The following DNAAF11 variants were observed in gnomAD, a reference collection of about 807,000 sequenced individuals.
DNAAF11 encodes dynein axonemal assembly factor 11, also known as leucine rich repeat containing 6.
In DNAAF11, 45 loss-of-function variants were observed where a neutral mutation model predicts 60.8. That is an observed-to-expected ratio of 0.74 (90% CI 0.58 to 0.95). The LOEUF is 0.95. Ranked by LOEUF, DNAAF11 falls within the 40% of genes least tolerant of loss-of-function variation. The pLI is 0.00. For missense variants in DNAAF11, 546 were observed against 546.2 expected (o/e 1.00, Z 0.00); for synonymous variants, 191 against 183.5 (o/e 1.04, Z -0.33).
At chr8:132,648,105 C>G (rs1822592123) in intron 3 of DNAAF11, among the ~76,000 whole-genome samples, 1 of 152,108 alleles carries the variant, frequency 6.6e-6, no homozygotes, top group South Asian at 2.1e-4. Flanking sequence ...ATGCAAAAAT[C>G]CTCAATAAAA....
At chr8:132,587,490 T>C (rs1182769709) in intron 10 of DNAAF11, among the ~76,000 whole-genome samples, 1 of 152,178 alleles carries the variant, frequency 6.6e-6, no homozygotes, top group Non-Finnish European at 1.5e-5. Context: ...AGCAGAGGAC[T>C]ATAGGTTCAG....
At chr8:132,643,524 A>C in intron 3 of DNAAF11, 2 of 404,498 alleles carry the variant, frequency 4.9e-6, no homozygotes, top group Non-Finnish European at 9.9e-6. Flanking sequence ...AATTCAAAAG[A>C]CCAGTCCCCG....
At chr8:132,608,866 C>T (rs945357780) in intron 10 of DNAAF11, among the ~76,000 whole-genome samples, 2 of 152,054 alleles carry the variant, frequency 1.3e-5, no homozygotes, top group Admixed American at 6.6e-5. Context: ...TATTTTATTG[C>T]CTCCAAGTAA....
the DNAAF11 span, among the ~76,000 whole-genome samples, chr8:132,688,238 C>A: frequency 6.6e-6 from 1 of 152,208 alleles, no homozygotes; most frequent in East Asian, 1.9e-4. Flanking sequence ...AGCAATTTCT[C>A]TTTCACACTT....
At chr8:132,612,970 G>C (rs1370015832) in intron 8 of DNAAF11, among the ~76,000 whole-genome samples, 1 of 152,148 alleles carries the variant, frequency 6.6e-6, no homozygotes, top group Non-Finnish European at 1.5e-5. Flanking sequence ...GAAAAAGAAA[G>C]GGTTATACAT....
At chr8:132,658,606 C>G (rs1823823004) in intron 2 of DNAAF11, among the ~76,000 whole-genome samples, 1 of 152,182 alleles carries the variant, frequency 6.6e-6, no homozygotes, top group African/African-American at 2.4e-5. Flanking sequence ...CAGGCATGAG[C>G]CACCGCTCCC....
Position 132,632,926 on chromosome 8 carries a change from A to G in DNAAF11, c.467T>C (p.Ile156Thr). The G allele has an allele frequency of 6.2e-7, 1 of 1,613,660 alleles. No homozygotes were observed. The highest frequency in any genetic ancestry group is 2.2e-5 in the East Asian group (1 of 44,846). Residue 156 changes from isoleucine to threonine, a missense_variant, in exon 5 of 12, where the codon ATT (isoleucine) becomes ACT (threonine). Coordinates refer to ENST00000620350, the MANE Select transcript of DNAAF11 (RefSeq NM_012472.6). ...DGKEIEPSER[I>T]KALQDYSVIE... is the part of the protein sequence containing the mutation. Reference sequence around the variant, plus strand: ...TACTGAATAGTCCTGCAATGCCTTAATCCTTTCTGAAGGCTCTATTTCTTT... The same window carrying G: ...TACTGAATAGTCCTGCAATGCCTTAGTCCTTTCTGAAGGCTCTATTTCTTT...
chr8:132,676,953 T>C (rs546065591), upstream of DNAAF11, among the ~76,000 whole-genome samples: 1 of 152,200 alleles, frequency 6.6e-6, no homozygotes, highest in Non-Finnish European at 1.5e-5. Flanking sequence ...AGCAGGTTAG[T>C]GTGAGGTGAA....
At chr8:132,634,354 G>A (rs2130482869) in intron 4 of DNAAF11, among the ~76,000 whole-genome samples, 1 of 152,270 alleles carries the variant, frequency 6.6e-6, no homozygotes, top group Non-Finnish European at 1.5e-5. Context: ...GTTTCATAAT[G>A]GAGATATTGA....
chr8:132,687,460 A>G, the DNAAF11 span: 1 of 361,480 alleles, frequency 2.8e-6, no homozygotes, highest in South Asian at 2.1e-5. Flanking sequence ...TTTTTCTTAT[A>G]CCTTGATGAT....
chr8:132,578,635 T>G (rs1224547742), intron 11 of DNAAF11: 4 of 627,764 alleles, frequency 6.4e-6, no homozygotes, highest in Non-Finnish European at 1.1e-5. Flanking sequence ...TCAAAAAACA[T>G]AAAGAAAGAA....
chr8:132,670,173 T>G (rs1472068707), intron 1 of DNAAF11, among the ~76,000 whole-genome samples: 1 of 151,226 alleles, frequency 6.6e-6, no homozygotes, highest in African/African-American at 2.4e-5. Context: ...ATCAATGAAA[T>G]GAAAAGCAGA....
chr8:132,583,284 GC>G (rs1815523703), intron 11 of DNAAF11, among the ~76,000 whole-genome samples: 1 of 152,150 alleles, frequency 6.6e-6, no homozygotes, highest in Admixed American at 6.5e-5. Context: ...GCATGTCATA[GC>G]TACATGACCT....
chr8:132,671,533 T>A (rs1395631580), intron 1 of DNAAF11, among the ~76,000 whole-genome samples: 1 of 152,168 alleles, frequency 6.6e-6, no homozygotes, highest in East Asian at 1.9e-4. Context: ...GACAAGATAC[T>A]ACTGAAATTC....
At chr8:132,572,976 C>T (rs1814367711) in intron 11 of DNAAF11, among the ~76,000 whole-genome samples, 1 of 152,130 alleles carries the variant, frequency 6.6e-6, no homozygotes, top group Non-Finnish European at 1.5e-5. Flanking sequence ...GCCCCACCAA[C>T]CTCTCCTCCC....
At chr8:132,688,570 G>C in the DNAAF11 span, among the ~76,000 whole-genome samples, 1 of 152,144 alleles carries the variant, frequency 6.6e-6, no homozygotes, top group Non-Finnish European at 1.5e-5. Flanking sequence ...CAACCAATGA[G>C]GGTCAAACCT....
Position 132,595,347 on chromosome 8 carries a change from G to GAAAAAAAAA in DNAAF11, c.1141-11569_1141-11568insTTTTTTTTT, listed in dbSNP as rs1563992420. On this transcript the variant is annotated intron_variant, in intron 10 of 11. Transcript: ENST00000620350. ...TTCCCGAAAGAGAGAGAGACAGAGG[G>GAAAAAAAAA]GAAAAAAAAAAAAAAAAAAAAAAAA... 4.9e-4 allele frequency among the ~76,000 whole-genome samples: 20 copies of GAAAAAAAAA among 40,680 alleles called. 7 individuals are homozygous for GAAAAAAAAA. Among genetic ancestry groups the GAAAAAAAAA allele is most frequent in the African/African-American group, 8.8e-4 (11 of 12,570 alleles). 26.7% of individuals were successfully genotyped at this position (40,680 alleles called of 152,430 possible).
chr8:132,654,859 T>G (rs969146210), intron 3 of DNAAF11, among the ~76,000 whole-genome samples: 2 of 151,794 alleles, frequency 1.3e-5, no homozygotes, highest in African/African-American at 4.8e-5. Context: ...ATTGTCTGTC[T>G]TAAGAAACTA....
intron 4 of DNAAF11, among the ~76,000 whole-genome samples, chr8:132,636,164 T>C (rs1405997090): frequency 6.6e-6 from 1 of 152,070 alleles, no homozygotes; most frequent in Non-Finnish European, 1.5e-5. Context: ...GAAATGGTAA[T>C]TAAGACTCTA....
Sources: allele counts gnomAD v4.1 joint callset (sites outside exome capture counted in the v4.1 genomes callset), GRCh38; gene constraint gnomAD v4.1.1; transcripts MANE v1.5; gene names NCBI Gene and HGNC (gene_info 2026-07-23, HGNC 2026-07-21).